Variants in SETD2 observed in about 807,000 individuals in gnomAD.
SETD2 encodes SET domain containing 2, histone lysine methyltransferase.
Under a neutral mutation model 242.1 loss-of-function variants are expected in SETD2, and 31 were observed. That is an observed-to-expected ratio of 0.13 (90% CI 0.10 to 0.17). The LOEUF is 0.17. Ranked by LOEUF, SETD2 falls within the 10% of genes least tolerant of loss-of-function variation. The probability of loss-of-function intolerance (pLI) is 1.00; values close to 1 mark genes in which losing one functional copy is unlikely to be tolerated. For synonymous variants in SETD2, 1,006 were observed against 1,066.5 expected (o/e 0.94, Z 1.11); for missense variants, 2,481 against 3,046.3 (o/e 0.81, Z 4.37).
intron 1 of SETD2, among the ~76,000 whole-genome samples, chr3:47,152,462 G>A (rs1002343977): frequency 6.6e-6 from 1 of 152,188 alleles, no homozygotes; most frequent in Non-Finnish European, 1.5e-5. Context: ...AGTTTTTACA[G>A]TCATTTAATA....
rs758691030 is a variant in SETD2 at position 47,106,164 on chromosome 3, A to C, written c.4716-44T>G. On this transcript the variant is annotated intron_variant, in intron 5 of 20. Coordinates refer to ENST00000409792, the MANE Select transcript of SETD2 (RefSeq NM_014159.7). ...AAAATAGCACTTCCTACCTAGGAGC[A>C]GTAGGGAAAACATATATGCTCAGGC... 8.9e-6 allele frequency: 14 copies of C among 1,581,054 alleles called. No individual in the cohort carries two copies. The South Asian group carries it at 1.6e-4, about 18-fold the overall frequency.
chr3:47,154,323 C>T (rs1194105658), intron 1 of SETD2, among the ~76,000 whole-genome samples: 12 of 151,686 alleles, frequency 7.9e-5, no homozygotes, highest in African/African-American at 2.7e-4. Flanking sequence ...GCAGGAGAAT[C>T]GCTTGAATCC....
At chr3:47,065,320 C>T (rs968483918) in intron 13 of SETD2, among the ~76,000 whole-genome samples, 16 of 151,758 alleles carry the variant, frequency 1.1e-4, no homozygotes, top group South Asian at 2.1e-4. Flanking sequence ...AGGTCTTTAA[C>T]CAATAAGACT....
chr3:47,086,709 A>T (rs1442864453), intron 10 of SETD2, among the ~76,000 whole-genome samples: 1 of 150,692 alleles, frequency 6.6e-6, no homozygotes, highest in Non-Finnish European at 1.5e-5. Context: ...TGTTGAAAAG[A>T]CCTCTTTTTC....
At chr3:47,117,167 A>G (rs1394144309) in intron 3 of SETD2, among the ~76,000 whole-genome samples, 1 of 151,350 alleles carries the variant, frequency 6.6e-6, no homozygotes, top group Non-Finnish European at 1.5e-5. Context: ...GCCTGGCTAG[A>G]TTCACATTTA....
chr3:47,105,808 C>G (rs768785791), intron 6 of SETD2, 189 bp downstream of exon 6: 1 of 536,216 alleles, frequency 1.9e-6, no homozygotes, highest in African/African-American at 2.0e-5. Flanking sequence ...GAAGCTGAGG[C>G]AGGAGAATCT....
rs558896785 is a variant in SETD2, at chr3:47,021,610, C to T, written c.7351-1770G>A. Reference sequence around the variant, plus strand: ...GAAAGGAAATGATAAAATGAGGGGTCCCCAGACTTACATCATGGAAATCAT... The same window carrying T: ...GAAAGGAAATGATAAAATGAGGGGTTCCCAGACTTACATCATGGAAATCAT... On this transcript the variant is annotated intron_variant, in intron 18 of 20. Transcript: ENST00000409792. 3.3e-5 allele frequency among the ~76,000 whole-genome samples: 5 copies of T among 152,170 alleles called. No individual in the cohort carries two copies. In the South Asian group the frequency reaches 8.3e-4, roughly 25 times the overall value.
At chr3:47,134,269 G>A (rs940502423) in intron 1 of SETD2, among the ~76,000 whole-genome samples, 3 of 152,172 alleles carry the variant, frequency 2.0e-5, no homozygotes, top group East Asian at 1.9e-4. Context: ...AGTTTGGAAC[G>A]AATGAGTTAA....
chr3:47,110,780 A>C (rs1180861075), intron 5 of SETD2, among the ~76,000 whole-genome samples: 1 of 152,078 alleles, frequency 6.6e-6, no homozygotes, highest in Non-Finnish European at 1.5e-5. Flanking sequence ...ATTAAGTCCT[A>C]GTATATTTTA....
rs902794659 is a variant in SETD2 at position 47,017,180 on chromosome 3, C to G, written c.7608G>C (p.Val2536=). The change falls in exon 21 of 21, where the codon GTG becomes GTC. Residue 2536 remains valine (V), a synonymous_variant. Transcript: ENST00000409792. This position sits in a 1 kb window ranked among gnomAD's most constrained non-coding sequence, Gnocchi z 4.8. ...NPEDLECNEN[V]KHKTKEYIKK... ...TAATGTACTCCTTGGTTTTGTGTTTCACATTCTCATTGCACTCCAGGTCCT... is the reference window on the plus strand; with the variant it reads ...TAATGTACTCCTTGGTTTTGTGTTTGACATTCTCATTGCACTCCAGGTCCT... 2 of 1,614,040 alleles carry G rather than the reference C, an allele frequency of 1.2e-6. No individual in the cohort carries two copies. The highest frequency in any genetic ancestry group is 1.7e-6 in the Non-Finnish European group (2 of 1,180,040).
chr3:47,019,860 C>T lies in SETD2; in HGVS notation c.7351-20G>A, dbSNP rs1368030680. 3 of 1,605,318 alleles carry T rather than the reference C, an allele frequency of 1.9e-6. No homozygotes were observed. The highest frequency in any genetic ancestry group is 2.2e-5 in the South Asian group (2 of 90,902). ...CGAGGCCTAAAAATGGAGGAGAAAA[C>T]ACAGTGGTGCTGGCATGAGAAGTCA... On this transcript the variant is annotated intron_variant, in intron 18 of 20. Transcript: ENST00000409792.
chr3:47,035,353 G>A (rs192053373), intron 18 of SETD2, among the ~76,000 whole-genome samples: 1 of 152,332 alleles, frequency 6.6e-6, no homozygotes, highest in Admixed American at 6.5e-5. Context: ...AGAGAGCCTT[G>A]TAAAAGGCAA....
intron 5 of SETD2, among the ~76,000 whole-genome samples, chr3:47,107,717 T>TGGC (rs2042482928): frequency 2.7e-5 from 1 of 37,046 alleles, no homozygotes; most frequent in African/African-American, 9.1e-5. Context: ...TCACTTTGGG[T>TGGC]GGCGGGGGGG....
At chr3:47,077,391 C>T (rs2041135413) in intron 12 of SETD2, among the ~76,000 whole-genome samples, 1 of 151,960 alleles carries the variant, frequency 6.6e-6, no homozygotes, top group Non-Finnish European at 1.5e-5. Flanking sequence ...CCTGCTGTGC[C>T]CTATTTAACA....
At chr3:47,098,652 T>C (rs967192680) in intron 8 of SETD2, among the ~76,000 whole-genome samples, 2 of 151,944 alleles carry the variant, frequency 1.3e-5, no homozygotes, top group African/African-American at 4.8e-5. Flanking sequence ...AAAAATTAGC[T>C]GGGCATGGTG....
At chr3:47,114,191 C>T (rs1010744947) in intron 4 of SETD2, among the ~76,000 whole-genome samples, 187 bp from the exon 5 acceptor site, 2 of 152,188 alleles carry the variant, frequency 1.3e-5, no homozygotes, top group African/African-American at 4.8e-5. Context: ...AACTGAGTAT[C>T]TACATTGTTA....
intron 15 of SETD2, chr3:47,046,859 C>A: frequency 4.5e-6 from 1 of 223,672 alleles, no homozygotes; most frequent in South Asian, 1.2e-4. Context: ...AAAATAAAAG[C>A]TTTTTTTTTT....
chr3:47,053,841 CTAT>C (rs2039950465), intron 15 of SETD2, among the ~76,000 whole-genome samples: 1 of 152,150 alleles, frequency 6.6e-6, no homozygotes, highest in South Asian at 2.1e-4. Context: ...CCCCTGAATA[CTAT>C]TAAGGTAACT....
chr3:47,072,545 G>A (rs1243017838), intron 12 of SETD2, among the ~76,000 whole-genome samples: 1 of 152,080 alleles, frequency 6.6e-6, no homozygotes, highest in African/African-American at 2.4e-5. Context: ...GCAAGCCTGG[G>A]TGCAGTGGCT....
Sources: gnomAD v4.1 joint callset for allele counts (sites outside exome capture counted in the v4.1 genomes callset) on GRCh38, gnomAD v4.1.1 for gene constraint, Gnocchi (gnomAD v3.1) non-coding constraint, MANE v1.5 for transcripts, NCBI Gene and HGNC (gene_info 2026-07-23, HGNC 2026-07-21) for gene names.